The following CNTNAP4 variants were observed in gnomAD, a reference collection of about 807,000 sequenced individuals.
CNTNAP4 encodes contactin associated protein family member 4.
In CNTNAP4, 98 loss-of-function variants were observed where a neutral mutation model predicts 148.4. The observed-to-expected ratio is 0.66, with a 90% CI of 0.56 to 0.78. The LOEUF (loss-of-function observed/expected upper bound fraction) is 0.78, where lower values mean the gene tolerates loss of function less well. Among genes scored for constraint, CNTNAP4 ranks in the 30% least tolerant of loss-of-function variants. The pLI is 0.00. For missense variants in CNTNAP4, 1,935 were observed against 1,565.6 expected (o/e 1.24, Z -3.98); for synonymous variants, 730 against 565.1 (o/e 1.29, Z -4.14).
intron 3 of CNTNAP4, among the ~76,000 whole-genome samples, chr16:76,380,290 G>T (rs1180918496): frequency 6.6e-6 from 1 of 152,166 alleles, no homozygotes; most frequent in Admixed American, 6.5e-5. Context: ...GTCAAGGGAA[G>T]TATACTGTTT....
chr16:76,344,675 G>A (rs938749181), intron 2 of CNTNAP4, among the ~76,000 whole-genome samples: 6 of 152,178 alleles, frequency 3.9e-5, no homozygotes, highest in African/African-American at 1.4e-4. Flanking sequence ...TATGAATATT[G>A]TCAAGATGAG....
intron 3 of CNTNAP4, among the ~76,000 whole-genome samples, chr16:76,405,952 C>T (rs2078586426): frequency 6.6e-6 from 1 of 151,942 alleles, no homozygotes; most frequent in African/African-American, 2.4e-5. Flanking sequence ...TGCAGTGGCT[C>T]ACACCTATAA....
rs574816044 is a variant in CNTNAP4 at position 76,522,745 on chromosome 16, T to C, written c.2755+488T>C. 1.4e-3 allele frequency among the ~76,000 whole-genome samples: 145 copies of C among 101,232 alleles called. 6 individuals are homozygous for C. Among genetic ancestry groups the C allele is most frequent in the African/African-American group, 3.9e-3 (90 of 23,280 alleles). 66.4% of individuals were successfully genotyped at this position (101,232 alleles called of 152,430 possible). ...TCTTTTCTTTTCTTTTCTTTTCTTT[T>C]CTTTTCTTTTCTTTTCTTTTCTTTT... On this transcript the variant is annotated intron_variant, in intron 17 of 23. Transcript: ENST00000611870.
intron 3 of CNTNAP4, among the ~76,000 whole-genome samples, chr16:76,423,070 G>A (rs569850687): frequency 2.2e-4 from 34 of 152,236 alleles, no homozygotes; most frequent in African/African-American, 8.2e-4. Context: ...GCTAGAAAGT[G>A]GCATTCTATG....
At chr16:76,437,629 C>T (rs995359040) in intron 4 of CNTNAP4, among the ~76,000 whole-genome samples, 3 of 152,064 alleles carry the variant, frequency 2.0e-5, no homozygotes, top group African/African-American at 7.2e-5. Context: ...CTATGAGAGA[C>T]ATAAAGACCC....
chr16:76,367,782 C>A (rs1361900537), intron 3 of CNTNAP4, among the ~76,000 whole-genome samples: 1 of 152,136 alleles, frequency 6.6e-6, no homozygotes, highest in Non-Finnish European at 1.5e-5. Flanking sequence ...GTGGGTGTCG[C>A]CACCACACAT....
intron 21 of CNTNAP4, among the ~76,000 whole-genome samples, chr16:76,544,003 C>T (rs2084581938): frequency 6.6e-6 from 1 of 152,196 alleles, no homozygotes. Context: ...GTAGACGTTA[C>T]ATCTGCCCTT....
At chr16:76,396,499 C>A (rs1005684863) in intron 3 of CNTNAP4, among the ~76,000 whole-genome samples, 2 of 152,194 alleles carry the variant, frequency 1.3e-5, no homozygotes, top group African/African-American at 4.8e-5. Flanking sequence ...GATGTCCAGT[C>A]ACTTTGCTGG....
At chr16:76,433,946 A>C (rs917997046) in intron 4 of CNTNAP4, among the ~76,000 whole-genome samples, 1 of 152,062 alleles carries the variant, frequency 6.6e-6, no homozygotes, top group Non-Finnish European at 1.5e-5. Context: ...ATTCTTTGCA[A>C]AATTTATAAT....
At chr16:76,334,920 C>T (rs1597231320) in intron 2 of CNTNAP4, among the ~76,000 whole-genome samples, 1 of 152,018 alleles carries the variant, frequency 6.6e-6, no homozygotes, top group South Asian at 2.1e-4. Context: ...CTGTAGGAGC[C>T]ATCAAGGCTA....
chr16:76,534,880 G>A (rs779514393), intron 17 of CNTNAP4, among the ~76,000 whole-genome samples: 1 of 152,186 alleles, frequency 6.6e-6, no homozygotes, highest in Non-Finnish European at 1.5e-5. Flanking sequence ...ATATGGTTAT[G>A]TATTCAATAA....
intron 4 of CNTNAP4, among the ~76,000 whole-genome samples, chr16:76,442,680 G>A (rs2080089763): frequency 6.6e-6 from 1 of 152,082 alleles, no homozygotes; most frequent in South Asian, 2.1e-4. Flanking sequence ...CCATTCTCAT[G>A]AGAACTAATC....
At chr16:76,427,313 G>A in intron 3 of CNTNAP4, 139 bp from the exon 4 acceptor site, 1 of 610,936 alleles carries the variant, frequency 1.6e-6, no homozygotes. Flanking sequence ...TGACATAACT[G>A]TTAATGTGAT....
chr16:76,516,773 G>T (rs973144755), intron 15 of CNTNAP4, among the ~76,000 whole-genome samples: 1 of 152,134 alleles, frequency 6.6e-6, no homozygotes, highest in Non-Finnish European at 1.5e-5. Flanking sequence ...TCTTCAAAGA[G>T]TAATTCTGGG....
chr16:76,366,268 T>C (rs1312929280), intron 3 of CNTNAP4, among the ~76,000 whole-genome samples: 2 of 152,178 alleles, frequency 1.3e-5, no homozygotes, highest in Admixed American at 1.3e-4. Flanking sequence ...ATTTTTCTGC[T>C]CCTCTCTGTC....
At chr16:76,303,385 A>T (rs1224124290) in intron 1 of CNTNAP4, among the ~76,000 whole-genome samples, 14 of 152,190 alleles carry the variant, frequency 9.2e-5, no homozygotes, top group Admixed American at 9.2e-4. Context: ...AAAATGGAAC[A>T]TTTGTTCAGT....
chr16:76,477,572 C>T (rs1486717603), intron 11 of CNTNAP4, among the ~76,000 whole-genome samples: 2 of 152,100 alleles, frequency 1.3e-5, no homozygotes, highest in African/African-American at 2.4e-5. Flanking sequence ...AAGAGAATCT[C>T]TCAGCTCTAC....
At chr16:76,323,038 G>C (rs1442887238) in intron 2 of CNTNAP4, among the ~76,000 whole-genome samples, 1 of 151,748 alleles carries the variant, frequency 6.6e-6, no homozygotes, top group African/African-American at 2.4e-5. Context: ...GTAGAGATGG[G>C]GTTTCACCAT....
chr16:76,458,606 A>G (rs1038220460), intron 8 of CNTNAP4, among the ~76,000 whole-genome samples: 1 of 151,874 alleles, frequency 6.6e-6, no homozygotes, highest in Non-Finnish European at 1.5e-5. Context: ...TAGGGTTCGA[A>G]CTCCTAGGAA....
Sources: gnomAD v4.1 joint callset for allele counts (sites outside exome capture counted in the v4.1 genomes callset) on GRCh38, gnomAD v4.1.1 for gene constraint, MANE v1.5 for transcripts, NCBI Gene and HGNC (gene_info 2026-07-23, HGNC 2026-07-21) for gene names.